EGFLAM: variants seen among roughly 807,000 people sequenced by gnomAD.
EGFLAM encodes the protein EGF like, fibronectin type III and laminin G domains.
In EGFLAM, 79 loss-of-function variants were observed where a neutral mutation model predicts 113.1. The ratio of observed to expected loss-of-function variants is 0.70; its 90% CI spans 0.58 to 0.84. EGFLAM has a LOEUF of 0.84. Ranked by LOEUF, EGFLAM falls within the 40% of genes least tolerant of loss-of-function variation. The pLI is 0.00. For synonymous variants in EGFLAM, 504 were observed against 487.6 expected (o/e 1.03, Z -0.44); for missense variants, 1,265 against 1,291.6 (o/e 0.98, Z 0.32).
At chr5:38,435,112 T>C (rs1742301125) in intron 15 of EGFLAM, 25 bp from the exon 16 acceptor site, 4 of 1,593,338 alleles carry the variant, frequency 2.5e-6, no homozygotes, top group African/African-American at 2.7e-5. Flanking sequence ...AGTCATACAA[T>C]GCTTTGTTTT....
chr5:38,408,967 C>T (rs993608476), intron 9 of EGFLAM, 37 bp from the exon 10 acceptor site: 48 of 1,523,714 alleles, frequency 3.2e-5, no homozygotes, highest in Non-Finnish European at 2.0e-5. Context: ...AGGGGAGGTG[C>T]TTACTGTTCA....
rs769828254 is a variant in EGFLAM, at chr5:38,424,931, G to A, written c.1685-36G>A. ...GCCACTGTGTTGGACTGGCACACATGGAGGATTGGCTTTGTAATTCCCATT... is the reference window on the plus strand; with the variant it reads ...GCCACTGTGTTGGACTGGCACACATAGAGGATTGGCTTTGTAATTCCCATT... On this transcript the variant is annotated intron_variant, in intron 12 of 21. Transcript: ENST00000322350. The A allele has an allele frequency of 1.7e-5, 28 of 1,609,716 alleles. No homozygotes were observed. In the South Asian group the frequency reaches 2.8e-4, roughly 16 times the overall value.
At chr5:38,422,079 C>G (rs2112175462) in intron 12 of EGFLAM, among the ~76,000 whole-genome samples, 1 of 152,154 alleles carries the variant, frequency 6.6e-6, no homozygotes, top group South Asian at 2.1e-4. Context: ...CGGTTACGGA[C>G]TAGGGGTTGG....
At chr5:38,411,809 T>A (rs1269699816) in intron 10 of EGFLAM, among the ~76,000 whole-genome samples, 3 of 151,940 alleles carry the variant, frequency 2.0e-5, no homozygotes, top group Admixed American at 6.6e-5. Context: ...TTTATTTTTT[T>A]ATTTTTATTT....
chr5:38,328,938 T>C (rs973243504), intron 1 of EGFLAM, among the ~76,000 whole-genome samples: 8 of 152,116 alleles, frequency 5.3e-5, no homozygotes, highest in Non-Finnish European at 8.8e-5. Context: ...TCCATTATTT[T>C]TTAAAAATTT....
At chr5:38,375,060 G>GTT (rs74821426) in intron 6 of EGFLAM, among the ~76,000 whole-genome samples, 12,649 of 107,380 alleles carry the variant, frequency 0.12, 706 homozygotes, top group South Asian at 0.17. Flanking sequence ...CTCTGTTGTT[G>GTT]TTTTTTTTTT....
intron 1 of EGFLAM, among the ~76,000 whole-genome samples, chr5:38,322,340 A>G (rs1738764469): frequency 6.6e-6 from 1 of 152,196 alleles, no homozygotes; most frequent in African/African-American, 2.4e-5. Flanking sequence ...TGAGTACCCA[A>G]GGAGTGGATG....
chr5:38,444,498 A>G (rs1742645042), intron 17 of EGFLAM, among the ~76,000 whole-genome samples: 1 of 152,220 alleles, frequency 6.6e-6, no homozygotes. Context: ...ACATTTTGAG[A>G]TGGGATGGAT....
intron 5 of EGFLAM, among the ~76,000 whole-genome samples, chr5:38,358,264 T>A (rs2451005): frequency 0.48 from 71,993 of 150,538 alleles, 19,518 homozygotes; most frequent in Non-Finnish European, 0.59. Flanking sequence ...GCTAACACGA[T>A]GAAACCCCGT....
chr5:38,346,652 T>C (rs1458525773), intron 3 of EGFLAM: 1 of 152,222 alleles, frequency 6.6e-6, no homozygotes, highest in African/African-American at 2.4e-5. Flanking sequence ...CCACCTATAC[T>C]TCATCCAGCA....
intron 17 of EGFLAM, among the ~76,000 whole-genome samples, chr5:38,446,412 C>A (rs1742714645): frequency 6.6e-6 from 1 of 152,068 alleles, no homozygotes; most frequent in Admixed American, 6.5e-5. Context: ...CTTGCTGCAG[C>A]GTCCCTTCTT....
intron 1 of EGFLAM, among the ~76,000 whole-genome samples, chr5:38,308,388 C>T (rs970861944): frequency 3.3e-5 from 5 of 151,520 alleles, no homozygotes; most frequent in Non-Finnish European, 7.3e-5. Context: ...TCATGAGACC[C>T]TCCGCATGCT....
At chr5:38,328,797 A>G (rs573174792) in intron 1 of EGFLAM, among the ~76,000 whole-genome samples, 1 of 139,650 alleles carries the variant, frequency 7.2e-6, no homozygotes, top group Non-Finnish European at 1.5e-5. Flanking sequence ...TCTTATTAAT[A>G]TGCATAAGTT....
At chr5:38,438,099 G>C (rs894896614) in intron 16 of EGFLAM, among the ~76,000 whole-genome samples, 176 bp from the exon 17 acceptor site, 10 of 146,458 alleles carry the variant, frequency 6.8e-5, no homozygotes, top group African/African-American at 2.3e-4. Context: ...TCCAGCCTGG[G>C]CAACACAGAA....
intron 16 of EGFLAM, among the ~76,000 whole-genome samples, chr5:38,436,440 G>A (rs2914347): frequency 1.8e-4 from 27 of 152,080 alleles, no homozygotes; most frequent in Non-Finnish European, 2.1e-4. Context: ...ATTTTATCTC[G>A]CATCGCAGTG....
chr5:38,442,075 T>C (rs966829306), intron 17 of EGFLAM, among the ~76,000 whole-genome samples: 1 of 152,166 alleles, frequency 6.6e-6, no homozygotes, highest in African/African-American at 2.4e-5. Flanking sequence ...ATTTATGTTG[T>C]GTTTACTTGA....
At chr5:38,392,663 G>A (rs1740844561) in intron 6 of EGFLAM, among the ~76,000 whole-genome samples, 1 of 150,978 alleles carries the variant, frequency 6.6e-6, no homozygotes, top group Non-Finnish European at 1.5e-5. Flanking sequence ...TTAATATCAT[G>A]GTTTAGTGTT....
chr5:38,317,054 G>A (rs1738615614), intron 1 of EGFLAM, among the ~76,000 whole-genome samples: 2 of 152,142 alleles, frequency 1.3e-5, no homozygotes, highest in African/African-American at 4.8e-5. Context: ...CTGTTGTGAA[G>A]TCAGAGAGAC....
At chr5:38,359,579 G>A (rs1739866595) in intron 5 of EGFLAM, among the ~76,000 whole-genome samples, 1 of 152,130 alleles carries the variant, frequency 6.6e-6, no homozygotes, top group Non-Finnish European at 1.5e-5. Flanking sequence ...GGAGGTTGAG[G>A]CACAAGAATT....
Sources: gnomAD v4.1 joint callset for allele counts (sites outside exome capture counted in the v4.1 genomes callset) on GRCh38, gnomAD v4.1.1 for gene constraint, MANE v1.5 for transcripts, NCBI Gene and HGNC (gene_info 2026-07-23, HGNC 2026-07-21) for gene names.